Variants in NPS observed in about 807,000 individuals in gnomAD.
The protein encoded by NPS is prepro-neuropeptide S.
NPS carries 6 observed loss-of-function variants against 7.2 expected under a neutral mutation model. The observed-to-expected ratio is 0.83, with a 90% confidence interval of 0.46 to 1.64. NPS has a LOEUF of 1.64. Among genes scored for constraint, NPS ranks in the 40% most tolerant of loss-of-function variants. The pLI, the probability that NPS is intolerant of heterozygous loss-of-function variation, is 0.01. For synonymous variants in NPS, 42 were observed against 36.7 expected (o/e 1.14, Z -0.52); for missense variants, 123 against 97.8 (o/e 1.26, Z -1.09).
chr10:127,551,509 C>T (rs930263838), intron 2 of NPS, among the ~76,000 whole-genome samples: 1 of 152,132 alleles, frequency 6.6e-6, no homozygotes, highest in African/African-American at 2.4e-5. Context: ...TCCTTTTCCT[C>T]TTGTAGTTCT....
chr10:127,552,053 C>A (rs1844863249), intron 2 of NPS, among the ~76,000 whole-genome samples: 1 of 152,180 alleles, frequency 6.6e-6, no homozygotes, highest in African/African-American at 2.4e-5. Flanking sequence ...GCAAATGGCC[C>A]AGGACAGGCC....
At chr10:127,551,972 G>A (rs1844862734) in intron 2 of NPS, among the ~76,000 whole-genome samples, 2 of 152,200 alleles carry the variant, frequency 1.3e-5, no homozygotes, top group Non-Finnish European at 2.9e-5. Context: ...CCAGTGATGA[G>A]GACCTGAACT....
chr10:127,553,236 C>T lies in NPS; in HGVS notation c.*597C>T, dbSNP rs536668686. 6.6e-6 allele frequency among the ~76,000 whole-genome samples: 1 copy of T among 152,220 alleles called. No homozygotes were observed. The highest frequency in any genetic ancestry group is 2.4e-5 in the African/African-American group (1 of 41,540). On this transcript the variant is annotated 3_prime_UTR_variant, in exon 3 of 3. Transcript: ENST00000398023. ...CTTTTCCTATTCCAAATATACTTAG[C>T]TATAGGGTGTTGTTTTGTTGTCTTG...
intron 2 of NPS, 53 bp from the exon 3 acceptor site, chr10:127,552,407 A>G (rs907199665): frequency 2.0e-6 from 2 of 984,070 alleles, no homozygotes; most frequent in African/African-American, 3.3e-5. Flanking sequence ...GTTGAAATAT[A>G]CTTTTAACCC....
chr10:127,551,630 C>A (rs147960217), intron 2 of NPS, among the ~76,000 whole-genome samples: 257 of 152,228 alleles, frequency 1.7e-3, no homozygotes, highest in African/African-American at 5.7e-3. Flanking sequence ...ATGCAAGCAG[C>A]ACACAGATCA....
rs751453725 is a variant in NPS at position 127,552,648 on chromosome 10, G to T, written c.*9G>T. ...AAAGAGCAAAATCATGACTAAGTGT[G>T]CAAAGGACTCGGGGAATTAATCTAA... On this transcript the variant is annotated 3_prime_UTR_variant, in exon 3 of 3. Transcript: ENST00000398023. 6.3e-7 allele frequency: 1 copy of T among 1,593,606 alleles called. No homozygotes were observed. Among genetic ancestry groups the T allele is most frequent in the South Asian group, 1.1e-5 (1 of 90,452 alleles).
chr10:127,551,756 A>G (rs1301503990), intron 2 of NPS, among the ~76,000 whole-genome samples: 3 of 152,152 alleles, frequency 2.0e-5, no homozygotes, highest in Non-Finnish European at 2.9e-5. Context: ...GATGATTCGT[A>G]CCCAAGCCCT....
rs1844866773 is a variant in NPS at position 127,552,496 on chromosome 10, A to C, written c.127A>C (p.Asn43His). 1 of 1,612,492 alleles carries C rather than the reference A, an allele frequency of 6.2e-7. No individual in the cohort carries two copies. ...ATCTGATTACTTTCTCATTCTGCTG[A>C]ACAGCTGCCCAACCAGATTGGACAG... Reference protein sequence around the residue: ...GKSDYFLILLNSCPTRLDRSK... With the variant: ...GKSDYFLILLHSCPTRLDRSK... Residue 43 changes from asparagine to histidine, a missense_variant, in exon 3 of 3, where the codon AAC becomes CAC. Coordinates refer to ENST00000398023, the MANE Select transcript of NPS (RefSeq NM_001030013.2).
chr10:127,552,460 G>A lies in NPS; in HGVS notation c.91G>A (p.Val31Met). ...FWCYPVPSSK[V>M]SGKSDYFLIL... is the part of the protein sequence containing the mutation. Reference sequence around the variant, plus strand: ...TCTCCTCACCCATCTGAATTGCCAGGTGTCTGGAAAATCTGATTACTTTCT... The same window carrying A: ...TCTCCTCACCCATCTGAATTGCCAGATGTCTGGAAAATCTGATTACTTTCT... Residue 31 changes from valine to methionine, a missense_variant and splice_region_variant, in exon 3 of 3, where the codon GTG (valine) becomes ATG (methionine). Coordinates refer to ENST00000398023, the MANE Select transcript of NPS (RefSeq NM_001030013.2). The A allele has an allele frequency of 1.9e-6, 3 of 1,590,096 alleles. No homozygotes were observed. The highest frequency in any genetic ancestry group is 1.7e-4 in the Middle Eastern group (1 of 6,004).
chr10:127,551,266 A>ATT (rs140144794), intron 2 of NPS, among the ~76,000 whole-genome samples: 401 of 151,504 alleles, frequency 2.6e-3, no homozygotes, highest in Non-Finnish European at 4.6e-3. Context: ...GAAAAAGCCC[A>ATT]TTTTTTTTCC....
In NPS at chr10:127,552,679, G is replaced by C; in HGVS notation, c.*40G>C. 1.5e-6 allele frequency: 2 copies of C among 1,337,272 alleles called. No individual in the cohort carries two copies. The highest frequency in any genetic ancestry group is 2.1e-6 in the Non-Finnish European group (2 of 934,854). The allele number at this position is 1,337,272 out of a possible 1,614,324, so 82.8% of individuals were successfully genotyped here. On this transcript the variant is annotated 3_prime_UTR_variant, in exon 3 of 3. Transcript: ENST00000398023. ...GACTCGGGGAATTAATCTAACTGTA[G>C]AGTGTGACTGACGTACTCAAAGTCC...
At position 127,549,493 on chromosome 10, in the gene NPS, G is replaced by A; in HGVS notation, c.13G>A (p.Val5Ile). The change falls in exon 2 of 3, where the codon GTA becomes ATA. Residue 5 changes from valine (V) to isoleucine (I), a missense_variant. Val to Ile is a conservative substitution (Grantham distance 29, BLOSUM62 3). Transcript: ENST00000398023. MISSVKLNLILVLSL... is the reference protein window; with the variant it reads MISSIKLNLILVLSL... ...TACTTTTTTTCTACTTTGCAGCTCAGTAAAACTCAATCTCATCCTAGTTCT... is the reference window on the plus strand; with the variant it reads ...TACTTTTTTTCTACTTTGCAGCTCAATAAAACTCAATCTCATCCTAGTTCT... 1 of 1,610,760 alleles carries A rather than the reference G, an allele frequency of 6.2e-7. No individual in the cohort carries two copies. Among genetic ancestry groups the A allele is most frequent in the Non-Finnish European group, 8.5e-7 (1 of 1,177,052 alleles).
intron 2 of NPS, 24 bp downstream of exon 2, chr10:127,549,594 A>C (rs748120389): frequency 1.6e-6 from 2 of 1,279,076 alleles, no homozygotes; most frequent in African/African-American, 2.9e-5. Flanking sequence ...TCCGTTGTGG[A>C]TATTTAAATA....
rs1012168607 is a variant in NPS, at chr10:127,553,305, G to A, written c.*666G>A. Among the ~76,000 whole-genome samples, 1 of 152,060 alleles carries A rather than the reference G, an allele frequency of 6.6e-6. No individual in the cohort carries two copies. The highest frequency in any genetic ancestry group is 6.6e-5 in the Admixed American group (1 of 15,264). On this transcript the variant is annotated 3_prime_UTR_variant, in exon 3 of 3. Coordinates refer to ENST00000398023, the MANE Select transcript of NPS (RefSeq NM_001030013.2). ...TTTTAAAATCTTTAAGCACAGAAAT[G>A]CTGCCAGTAACAACAACAACAGAGA...
intron 2 of NPS, among the ~76,000 whole-genome samples, chr10:127,550,205 C>G (rs187895203): frequency 6.6e-6 from 1 of 152,122 alleles, no homozygotes; most frequent in Admixed American, 6.5e-5. Flanking sequence ...TGAACTTGAA[C>G]TTTTTTTCAC....
intron 2 of NPS, among the ~76,000 whole-genome samples, chr10:127,552,197 G>T (rs1844864234): frequency 6.6e-6 from 1 of 152,120 alleles, no homozygotes; most frequent in African/African-American, 2.4e-5. Flanking sequence ...ACAGCAACAA[G>T]ATAACTTATG....
Position 127,553,356 on chromosome 10 carries a change from G to A in NPS, c.*717G>A, listed in dbSNP as rs7075753. 0.044 allele frequency among the ~76,000 whole-genome samples: 6,703 copies of A among 152,134 alleles called. 214 individuals carry two copies. The highest frequency in any genetic ancestry group is 0.064 in the Non-Finnish European group (4,321 of 67,988). ...GACTGAGAGTGCCCTGTGTTGTCAG[G>A]GCAGCCATTTGGAAACCTGTTCCCC... On this transcript the variant is annotated 3_prime_UTR_variant, in exon 3 of 3. Coordinates refer to ENST00000398023, the MANE Select transcript of NPS (RefSeq NM_001030013.2).
intron 1 of NPS, 44 bp from the exon 2 acceptor site, chr10:127,549,445 T>C: frequency 1.3e-6 from 2 of 1,577,396 alleles, no homozygotes; most frequent in Non-Finnish European, 8.7e-7. Flanking sequence ...TATTCTTGCC[T>C]ACTTGAGACT....
rs1293405777 is a variant in NPS at position 127,552,617 on chromosome 10, C to G, written c.248C>G (p.Ser83Cys). The change falls in exon 3 of 3, where the codon TCC (serine) becomes TGC (cysteine). Residue 83 changes from serine (S) to cysteine (C), a missense_variant. Ser to Cys is a moderately radical substitution (Grantham distance 112, BLOSUM62 -1). Transcript: ENST00000398023. ...NGVGTGMKKTSFQRAKS is the reference protein window; with the variant it reads ...NGVGTGMKKTCFQRAKS Reference sequence around the variant, plus strand: ...GTTGGCACAGGGATGAAAAAAACTTCCTTTCAAAGAGCAAAATCATGACTA... The same window carrying G: ...GTTGGCACAGGGATGAAAAAAACTTGCTTTCAAAGAGCAAAATCATGACTA... 6.2e-7 allele frequency: 1 copy of G among 1,613,050 alleles called. No homozygotes were observed. The highest frequency in any genetic ancestry group is 2.2e-5 in the East Asian group (1 of 44,858).
Sources: gnomAD v4.1 joint callset for allele counts (sites outside exome capture counted in the v4.1 genomes callset) on GRCh38, gnomAD v4.1.1 for gene constraint, MANE v1.5 for transcripts, NCBI Gene and HGNC (gene_info 2026-07-23, HGNC 2026-07-21) for gene names.